The following DNAH5 variants were observed in gnomAD, a reference collection of about 807,000 sequenced individuals.
DNAH5 encodes the protein dynein axonemal heavy chain 5.
DNAH5 carries 372 observed loss-of-function variants against 518.2 expected under a neutral mutation model. That is an observed-to-expected ratio of 0.72 (90% CI 0.66 to 0.78). The LOEUF (loss-of-function observed/expected upper bound fraction) is 0.78, where lower values mean the gene tolerates loss of function less well. DNAH5 is among the 30% of genes least tolerant of loss of function. DNAH5 has a pLI of 0.00. For missense variants in DNAH5, 5,523 were observed against 5,687.0 expected (o/e 0.97, Z 0.93); for synonymous variants, 2,039 against 2,025.9 (o/e 1.01, Z -0.17).
At position 13,707,892 on chromosome 5, in the gene DNAH5, T is replaced by C. The variant is rs1222085519; in HGVS notation, c.13338+231A>G. Among the ~76,000 whole-genome samples the C allele has an allele frequency of 6.6e-6, 1 of 152,070 alleles. No individual in the cohort carries two copies. Among genetic ancestry groups the C allele is most frequent in the Non-Finnish European group, 1.5e-5 (1 of 68,018 alleles). On this transcript the variant is annotated intron_variant, in intron 76 of 78. Transcript: ENST00000265104. This position sits in a 1 kb window ranked among gnomAD's most constrained non-coding sequence, Gnocchi z 4.0. ...AAATAAGAGCAGTAAAATACAAAATTTAAGTAAAATAACGCATGTAAATGC... is the reference window on the plus strand; with the variant it reads ...AAATAAGAGCAGTAAAATACAAAATCTAAGTAAAATAACGCATGTAAATGC...
rs76676543 is a variant in DNAH5 at position 13,762,657 on chromosome 5, A to G, written c.10281+65T>C. On this transcript the variant is annotated intron_variant, in intron 60 of 78. Transcript: ENST00000265104. ...CACAGGCACATGTGCTCCTGTAAAG[A>G]TAAGACGGGTCGACCTGGAGACTCC... The G allele has an allele frequency of 3.1e-3, 4,544 of 1,458,114 alleles. 105 individuals carry two copies. In the African/African-American group the frequency reaches 0.048, roughly 16 times the overall value. 90.3% of individuals were successfully genotyped at this position (1,458,114 alleles called of 1,614,324 possible). A position where few individuals can be genotyped will look rare whatever the true frequency, so the allele number is the denominator to read the frequency against.
Position 13,867,854 on chromosome 5 carries a change from G to A in DNAH5, c.3973C>T (p.Pro1325Ser). Reference sequence around the variant, plus strand: ...CTAATAAGCTCTTTCTTGAAACTGGGCTGCAGTGAGACTAATTTATTCTGG... The same window carrying A: ...CTAATAAGCTCTTTCTTGAAACTGGACTGCAGTGAGACTAATTTATTCTGG... ...EVQNKLVSLQ[P>S]SFKKELISAV... Residue 1325 changes from proline to serine, a missense_variant, in exon 25 of 79, where the codon CCC becomes TCC. Around this residue, in one of 3 missense-constraint regions of DNAH5, gnomAD observed 5,121 missense variants for 5,223.3 expected, o/e 0.98. Coordinates refer to ENST00000265104, the MANE Select transcript of DNAH5 (RefSeq NM_001369.3). The A allele has an allele frequency of 6.2e-7, 1 of 1,614,056 alleles. No individual in the cohort carries two copies.
At chr5:13,972,893 C>A (rs1263654372) in intron 1 of DNAH5, among the ~76,000 whole-genome samples, 1 of 152,096 alleles carries the variant, frequency 6.6e-6, no homozygotes, top group African/African-American at 2.4e-5. Flanking sequence ...TATTATTTTG[C>A]CCCCCAAAAA....
chr5:13,830,590 C>T lies in DNAH5; in HGVS notation c.6061+7G>A, dbSNP rs1334799290. The T allele has an allele frequency of 6.2e-7, 1 of 1,614,076 alleles. No individual in the cohort carries two copies. The highest frequency in any genetic ancestry group is 1.1e-5 in the South Asian group (1 of 91,086). ...TTTCTCACCAGATTAAAAAATATAA[C>T]CCATACCCTTAAAAATCCGTCCAAG... On this transcript the variant is annotated splice_region_variant and intron_variant, in intron 36 of 78. Transcript: ENST00000265104.
At chr5:13,779,051 G>C (rs1754691353) in intron 53 of DNAH5, among the ~76,000 whole-genome samples, 1 of 152,190 alleles carries the variant, frequency 6.6e-6, no homozygotes, top group African/African-American at 2.4e-5. Flanking sequence ...GCCTCTCTGA[G>C]CTTCAGCTGC....
chr5:13,770,873 C>T lies in DNAH5; in HGVS notation c.9481G>A (p.Val3161Ile), dbSNP rs773045896. ...CGTCGGAATCTCTGAAAATAATCAA[C>T]ACACTTCTCAGCCACCCCATCCTGG... ...SFQDGVAEKCVDYFQRFRRST... is the reference protein window; with the variant it reads ...SFQDGVAEKCIDYFQRFRRST... The change falls in exon 56 of 79, where the codon GTT (valine) becomes ATT (isoleucine). Residue 3161 changes from valine (V) to isoleucine (I), a missense_variant. By Grantham distance (29) the Val-to-Ile change is conservative. This residue lies in a region of DNAH5 where 5,121 missense variants were observed against 5,223.3 expected (regional missense o/e 0.98). Coordinates refer to ENST00000265104, the MANE Select transcript of DNAH5 (RefSeq NM_001369.3). The T allele has an allele frequency of 1.2e-6, 2 of 1,613,962 alleles. No individual in the cohort carries two copies. The highest frequency in any genetic ancestry group is 1.3e-5 in the African/African-American group (1 of 74,896).
chr5:13,834,862 T>G (rs1764165172), intron 35 of DNAH5, among the ~76,000 whole-genome samples: 1 of 152,160 alleles, frequency 6.6e-6, no homozygotes, highest in Non-Finnish European at 1.5e-5. Context: ...GGCTTTTACT[T>G]TGCATGAGAA....
intron 76 of DNAH5, among the ~76,000 whole-genome samples, chr5:13,705,230 G>A (rs1381698955): frequency 3.9e-5 from 6 of 152,110 alleles, no homozygotes; most frequent in African/African-American, 1.4e-4. Flanking sequence ...TCCTGACCTT[G>A]TGATCCGCCT....
intron 1 of DNAH5, among the ~76,000 whole-genome samples, chr5:13,954,944 T>C (rs1324456194): frequency 6.6e-6 from 1 of 152,222 alleles, no homozygotes; most frequent in Non-Finnish European, 1.5e-5. Context: ...ATCACCAATT[T>C]TCTTGCCATT....
At chr5:13,746,895 T>C (rs192777799) in intron 65 of DNAH5, among the ~76,000 whole-genome samples, 43 of 152,230 alleles carry the variant, frequency 2.8e-4, no homozygotes, top group African/African-American at 9.6e-4. Context: ...TTTTAATATA[T>C]ATTTTTATTA....
intron 22 of DNAH5, among the ~76,000 whole-genome samples, chr5:13,874,742 T>G (rs1026041367): frequency 6.6e-6 from 1 of 152,122 alleles, no homozygotes; most frequent in African/African-American, 2.4e-5. Flanking sequence ...GGTCTCAAAC[T>G]CCCAGCCTCA....
intron 1 of DNAH5, among the ~76,000 whole-genome samples, chr5:14,004,608 C>A (rs763331482): frequency 3.9e-5 from 6 of 152,200 alleles, no homozygotes; most frequent in Non-Finnish European, 5.9e-5. Context: ...GGGCAAGCCA[C>A]CTAACTTCTT....
intron 24 of DNAH5, 84 bp from the exon 25 acceptor site, chr5:13,868,076 A>C (rs1769548248): frequency 9.6e-7 from 1 of 1,042,492 alleles, no homozygotes; most frequent in African/African-American, 1.6e-5. Flanking sequence ...ATAAGAATGG[A>C]AAATACCAGA....
At chr5:13,842,753 A>G (rs1765461435) in intron 32 of DNAH5, among the ~76,000 whole-genome samples, 1 of 152,142 alleles carries the variant, frequency 6.6e-6, no homozygotes, top group Non-Finnish European at 1.5e-5. Context: ...CAAGGTCCTG[A>G]ATATGAATTT....
At chr5:13,716,244 T>G (rs1340510499) in intron 74 of DNAH5, among the ~76,000 whole-genome samples, 1 of 151,962 alleles carries the variant, frequency 6.6e-6, no homozygotes, top group African/African-American at 2.4e-5. Context: ...AATTCCTCCC[T>G]GGGGCATTAA....
chr5:13,944,757 G>A (rs977278301), upstream of DNAH5, among the ~76,000 whole-genome samples: 10 of 152,108 alleles, frequency 6.6e-5, no homozygotes, highest in African/African-American at 2.2e-4. Context: ...AGCAATCAAA[G>A]CATTTTAACT....
chr5:13,835,450 C>T (rs1196978933), intron 35 of DNAH5, among the ~76,000 whole-genome samples: 1 of 152,076 alleles, frequency 6.6e-6, no homozygotes. Flanking sequence ...TATGCAAATG[C>T]TGGTGATTAG....
At chr5:13,840,216 A>C (rs930730954) in intron 34 of DNAH5, among the ~76,000 whole-genome samples, 1 of 152,258 alleles carries the variant, frequency 6.6e-6, no homozygotes, top group Non-Finnish European at 1.5e-5. Flanking sequence ...CTTTACTTCC[A>C]TTATATCAGG....
chr5:13,707,384 A>T lies in DNAH5; in HGVS notation c.13338+739T>A, dbSNP rs186439051. 8.5e-4 allele frequency among the ~76,000 whole-genome samples: 130 copies of T among 152,354 alleles called. No individual in the cohort carries two copies. Among genetic ancestry groups the T allele is most frequent in the African/African-American group, 2.5e-3 (102 of 41,580 alleles). On this transcript the variant is annotated intron_variant, in intron 76 of 78. Transcript: ENST00000265104. This position sits in a 1 kb window ranked among gnomAD's most constrained non-coding sequence, Gnocchi z 4.0. ...ACACTAGAGCAAGAACCCAGGAAAC[A>T]GAAAGCCCTCTGTCCTTGCGATAAA...
Sources: allele counts gnomAD v4.1 joint callset (sites outside exome capture counted in the v4.1 genomes callset), GRCh38; gene constraint gnomAD v4.1.1; regional missense constraint gnomAD v4.1.1; non-coding constraint Gnocchi (gnomAD v3.1); transcripts MANE v1.5; gene names NCBI Gene and HGNC (gene_info 2026-07-23, HGNC 2026-07-21).